AFF3: variants seen among roughly 807,000 people sequenced by gnomAD.
AFF3 encodes ALF transcription elongation factor 3.
In AFF3, 32 loss-of-function variants were observed where a neutral mutation model predicts 129.7. The ratio of observed to expected loss-of-function variants is 0.25; its 90% CI spans 0.19 to 0.33. The LOEUF is 0.33. Among genes scored for constraint, AFF3 ranks in the 10% least tolerant of loss-of-function variants. The probability of loss-of-function intolerance (pLI) is 1.00; values close to 1 mark genes in which losing one functional copy is unlikely to be tolerated. For synonymous variants in AFF3, 644 were observed against 635.4 expected, an observed-to-expected ratio of 1.01 and a Z score of -0.20; for missense variants, 1,373 against 1,592.0, an observed-to-expected ratio of 0.86 and a Z score of 2.34.
At chr2:99,876,862 T>C (rs1411599955) in intron 7 of AFF3, among the ~76,000 whole-genome samples, 1 of 152,178 alleles carries the variant, frequency 6.6e-6, no homozygotes, top group Non-Finnish European at 1.5e-5. Flanking sequence ...ACCTGGAACG[T>C]ATTTCCTCCA....
chr2:99,714,350 A>G (rs1678186041), intron 11 of AFF3, among the ~76,000 whole-genome samples: 3 of 152,098 alleles, frequency 2.0e-5, no homozygotes, highest in African/African-American at 7.2e-5. Context: ...TGTGATTCTA[A>G]CTAATGAGGT....
rs565523408 is a variant in AFF3, at chr2:99,806,578, C to T, written c.921+30899G>A. 9.7e-4 allele frequency among the ~76,000 whole-genome samples: 147 copies of T among 152,194 alleles called. 1 individual carries two copies. The Middle Eastern group carries it at 0.021, about 21-fold the overall frequency. On this transcript the variant is annotated intron_variant, in intron 8 of 24. Coordinates refer to ENST00000672756, the MANE Select transcript of AFF3 (RefSeq NM_001386135.1). ...ACTCCAGACTTGATGGGGGGAAATCCCAGTTGAACTTGATATGACAGAGCA... is the reference window on the plus strand; with the variant it reads ...ACTCCAGACTTGATGGGGGGAAATCTCAGTTGAACTTGATATGACAGAGCA...
At chr2:99,575,612 T>G (rs992892166) in intron 18 of AFF3, among the ~76,000 whole-genome samples, 8 of 152,114 alleles carry the variant, frequency 5.3e-5, no homozygotes, top group Non-Finnish European at 1.2e-4. Flanking sequence ...CTTAGTTCGA[T>G]GGTTGAGTGG....
At chr2:99,814,159 TGTAGTGG>T (rs1221690481) in intron 8 of AFF3, among the ~76,000 whole-genome samples, 1 of 152,132 alleles carries the variant, frequency 6.6e-6, no homozygotes, top group Non-Finnish European at 1.5e-5. Context: ...CTCCCCTATC[TGTAGTGG>T]GTAAGGGGAT....
intron 7 of AFF3, among the ~76,000 whole-genome samples, chr2:99,988,474 G>A (rs1013016970): frequency 6.6e-6 from 1 of 152,176 alleles, no homozygotes; most frequent in Non-Finnish European, 1.5e-5. Flanking sequence ...GGTCCTGTAT[G>A]CCGGACCCAC....
intron 11 of AFF3, among the ~76,000 whole-genome samples, chr2:99,694,600 A>G (rs985989559): frequency 5.5e-5 from 8 of 145,424 alleles, no homozygotes; most frequent in African/African-American, 1.8e-4. Flanking sequence ...CTCTAGAACA[A>G]TGTTCTCTAA....
intron 7 of AFF3, among the ~76,000 whole-genome samples, chr2:99,981,307 C>T (rs566675455): frequency 3.5e-4 from 53 of 152,304 alleles, no homozygotes; most frequent in Admixed American, 9.1e-4. Context: ...CATGAGCCAC[C>T]GTGCCCGGCC....
intron 7 of AFF3, among the ~76,000 whole-genome samples, chr2:99,955,074 A>G (rs964591268): frequency 1.8e-4 from 27 of 152,276 alleles, no homozygotes; most frequent in African/African-American, 6.3e-4. Context: ...CAACTTCCAC[A>G]TAACACAAAT....
chr2:99,795,430 A>T (rs1685492985), intron 8 of AFF3, among the ~76,000 whole-genome samples: 1 of 152,192 alleles, frequency 6.6e-6, no homozygotes, highest in Non-Finnish European at 1.5e-5. Flanking sequence ...GAGGGATGCG[A>T]AATTACTAAT....
Position 99,551,607 on chromosome 2 carries a change from G to T in AFF3, c.3560-12C>A. 6.2e-7 allele frequency: 1 copy of T among 1,613,954 alleles called. No individual in the cohort carries two copies. Among genetic ancestry groups the T allele is most frequent in the Non-Finnish European group, 8.5e-7 (1 of 1,179,914 alleles). On this transcript the variant is annotated splice_polypyrimidine_tract_variant and intron_variant, in intron 24 of 24. Transcript: ENST00000672756. Reference sequence around the variant, plus strand: ...GTCGTTGAAGAATTCTAGGGGGACAGAAAGAGTTGTTAAGAATGCCACACA... The same window carrying T: ...GTCGTTGAAGAATTCTAGGGGGACATAAAGAGTTGTTAAGAATGCCACACA...
At chr2:99,864,205 G>A (rs187170964) in intron 7 of AFF3, among the ~76,000 whole-genome samples, 1 of 152,340 alleles carries the variant, frequency 6.6e-6, no homozygotes, top group East Asian at 1.9e-4. Context: ...GCAAAAAACA[G>A]ATGGGGAATA....
At chr2:100,080,925 A>G (rs1688995621) in intron 4 of AFF3, among the ~76,000 whole-genome samples, 2 of 152,314 alleles carry the variant, frequency 1.3e-5, no homozygotes, top group African/African-American at 4.8e-5. Flanking sequence ...AGATCACAGT[A>G]GAGATCTGGG....
intron 4 of AFF3, among the ~76,000 whole-genome samples, chr2:100,030,889 T>G (rs1389111294): frequency 6.6e-6 from 1 of 152,152 alleles, no homozygotes; most frequent in Non-Finnish European, 1.5e-5. Context: ...GCAGTGAAAC[T>G]ATTCTGTATG....
chr2:100,018,870 G>A (rs1683358857), intron 4 of AFF3, among the ~76,000 whole-genome samples: 1 of 151,956 alleles, frequency 6.6e-6, no homozygotes, highest in South Asian at 2.1e-4. Context: ...TGACTCTCAG[G>A]GCTTTTCATG....
intron 4 of AFF3, 34 bp from the exon 5 acceptor site, chr2:100,008,966 C>T: frequency 6.2e-7 from 1 of 1,609,732 alleles, no homozygotes; most frequent in Non-Finnish European, 8.5e-7. Context: ...AACAACCACA[C>T]ACACAAATTA....
rs774471856 is a variant in AFF3, at chr2:100,006,715, A to T, written c.790T>A (p.Tyr264Asn). The T allele has an allele frequency of 1.9e-6, 3 of 1,614,084 alleles. No homozygotes were observed. In the African/African-American group the frequency reaches 4.0e-5, roughly 22 times the overall value. Residue 264 changes from tyrosine to asparagine, a missense_variant, in exon 7 of 25, where the codon TAC becomes AAC. Physicochemically the swap from Tyr to Asn is moderately radical, Grantham distance 143 (BLOSUM62 -2). Transcript: ENST00000672756. ...SSETSVHCTS[Y>N]RGVPASKPEP... ...GGCTTGCTGGCAGGGACTCCCCTGT[A>T]TGATGTGCAGTGCACGCTGGTTTCC...
intron 13 of AFF3, among the ~76,000 whole-genome samples, chr2:99,621,554 C>T (rs1036845843): frequency 3.3e-5 from 5 of 152,210 alleles, no homozygotes; most frequent in Non-Finnish European, 7.3e-5. Context: ...TGTTGCTCTG[C>T]AACCATATGT....
At chr2:99,928,365 C>T (rs948481996) in intron 7 of AFF3, among the ~76,000 whole-genome samples, 18 of 152,210 alleles carry the variant, frequency 1.2e-4, no homozygotes, top group African/African-American at 4.3e-4. Flanking sequence ...AGGGATTCTT[C>T]CTTGAATACA....
chr2:99,764,028 T>G (rs1036545169), intron 8 of AFF3, among the ~76,000 whole-genome samples: 1 of 152,158 alleles, frequency 6.6e-6, no homozygotes, highest in African/African-American at 2.4e-5. Context: ...ATCAATAGAA[T>G]CAGTTTGAGA....
Sources: allele counts gnomAD v4.1 joint callset (sites outside exome capture counted in the v4.1 genomes callset), GRCh38; gene constraint gnomAD v4.1.1; transcripts MANE v1.5; gene names NCBI Gene and HGNC (gene_info 2026-07-23, HGNC 2026-07-21).